Variants in RAPGEF4 observed in about 807,000 individuals in gnomAD.
RAPGEF4 encodes Rap guanine nucleotide exchange factor 4, also known as RAP guanine-nucleotide-exchange factor (GEF) 4.
RAPGEF4 carries 66 observed loss-of-function variants against 147.9 expected under a neutral mutation model. The ratio of observed to expected loss-of-function variants is 0.45; its 90% CI spans 0.37 to 0.55. RAPGEF4 has a LOEUF of 0.55. Among genes scored for constraint, RAPGEF4 ranks in the 20% least tolerant of loss-of-function variants. The pLI, the probability that RAPGEF4 is intolerant of heterozygous loss-of-function variation, is 0.00. For synonymous variants in RAPGEF4, 419 were observed against 442.7 expected (o/e 0.95, Z 0.67); for missense variants, 1,071 against 1,257.3 (o/e 0.85, Z 2.24).
At position 172,767,200 on chromosome 2, in the gene RAPGEF4, C is replaced by T. The variant is rs186760737; in HGVS notation, c.66-27825C>T. Among the ~76,000 whole-genome samples the T allele has an allele frequency of 6.5e-4, 89 of 137,470 alleles. 1 individual carries two copies. Among genetic ancestry groups the T allele is most frequent in the East Asian group, 8.4e-4 (4 of 4,768 alleles). 90.2% of individuals were successfully genotyped at this position (137,470 alleles called of 152,430 possible). ...TCTATTTTTTTTTTTTTTTTTGAGA[C>T]GGAGTTTTGCTCTTGTTGCCCAGGC... On this transcript the variant is annotated intron_variant, in intron 1 of 30. Coordinates refer to ENST00000397081, the MANE Select transcript of RAPGEF4 (RefSeq NM_007023.4).
At chr2:172,934,635 T>C (rs1287379420) in intron 6 of RAPGEF4, among the ~76,000 whole-genome samples, 3 of 151,732 alleles carry the variant, frequency 2.0e-5, no homozygotes, top group Non-Finnish European at 4.4e-5. Flanking sequence ...CTGAGAGAGA[T>C]TGGAGTTAAG....
intron 4 of RAPGEF4, among the ~76,000 whole-genome samples, chr2:172,908,907 C>T (rs1258664573): frequency 6.6e-6 from 1 of 152,148 alleles, no homozygotes; most frequent in Non-Finnish European, 1.5e-5. Flanking sequence ...CCAAGCCGGC[C>T]AAGTGCTTCT....
chr2:172,850,383 C>T (rs1003722949), intron 4 of RAPGEF4, among the ~76,000 whole-genome samples: 4 of 151,908 alleles, frequency 2.6e-5, no homozygotes, highest in African/African-American at 4.8e-5. Context: ...TTCGGGAGGC[C>T]GAGGTGGGTG....
intron 4 of RAPGEF4, among the ~76,000 whole-genome samples, chr2:172,884,640 T>C (rs1318766050): frequency 6.6e-6 from 1 of 152,208 alleles, no homozygotes; most frequent in Non-Finnish European, 1.5e-5. Flanking sequence ...AGAAGAATGA[T>C]AGGGCTGTTA....
chr2:172,872,970 C>A (rs772060212), intron 4 of RAPGEF4, among the ~76,000 whole-genome samples: 7 of 152,102 alleles, frequency 4.6e-5, no homozygotes, highest in Non-Finnish European at 8.8e-5. Flanking sequence ...CTGACCGGAA[C>A]CATTTATTGA....
intron 4 of RAPGEF4, among the ~76,000 whole-genome samples, chr2:172,843,951 CTA>C (rs1349459418): frequency 1.3e-5 from 2 of 152,194 alleles, no homozygotes; most frequent in East Asian, 1.9e-4. Flanking sequence ...TTCTGGTTGG[CTA>C]TCTTATCTCT....
At chr2:172,907,336 T>C (rs1418281001) in intron 4 of RAPGEF4, among the ~76,000 whole-genome samples, 1 of 152,222 alleles carries the variant, frequency 6.6e-6, no homozygotes, top group Non-Finnish European at 1.5e-5. Context: ...CTTTCTGCCT[T>C]CCCTCTTCCC....
chr2:172,910,157 G>A (rs1177552733), intron 4 of RAPGEF4, among the ~76,000 whole-genome samples: 7 of 152,216 alleles, frequency 4.6e-5, no homozygotes, highest in African/African-American at 1.7e-4. Flanking sequence ...TCCCAAAATT[G>A]TACCATTGGC....
At chr2:172,794,888 G>A in intron 1 of RAPGEF4, 137 bp from the exon 2 acceptor site, 1 of 873,602 alleles carries the variant, frequency 1.1e-6, no homozygotes. Context: ...CTATAAGGGG[G>A]TGGATAAATA....
chr2:172,907,207 A>G (rs998940747), intron 4 of RAPGEF4, among the ~76,000 whole-genome samples: 38 of 152,352 alleles, frequency 2.5e-4, no homozygotes, highest in Admixed American at 2.5e-3. Context: ...ATTAGAAAAT[A>G]TTAGTATAGT....
chr2:172,920,165 G>A (rs757200437), intron 5 of RAPGEF4, among the ~76,000 whole-genome samples: 7 of 152,098 alleles, frequency 4.6e-5, no homozygotes, highest in Middle Eastern at 3.2e-3. Context: ...TTTAACTGAT[G>A]TCAATAGTTT....
At chr2:172,989,880 G>A (rs867219529) in intron 14 of RAPGEF4, among the ~76,000 whole-genome samples, 9 of 151,976 alleles carry the variant, frequency 5.9e-5, no homozygotes, top group East Asian at 1.9e-4. Context: ...GTATATTCCC[G>A]TTACTTAATG....
chr2:173,034,873 AACAC>A (rs34646146), intron 27 of RAPGEF4, among the ~76,000 whole-genome samples: 6,657 of 139,984 alleles, frequency 0.048, 160 homozygotes, highest in South Asian at 0.099. Flanking sequence ...ACCCCGTCTC[AACAC>A]ACACACACAC....
At chr2:172,821,304 C>G (rs1338354718) in intron 4 of RAPGEF4, among the ~76,000 whole-genome samples, 1 of 152,156 alleles carries the variant, frequency 6.6e-6, no homozygotes, top group Non-Finnish European at 1.5e-5. Flanking sequence ...CAGCCCCTTG[C>G]CTGCCTGATA....
chr2:172,955,653 C>A (rs1279999522), intron 6 of RAPGEF4, among the ~76,000 whole-genome samples: 1 of 152,140 alleles, frequency 6.6e-6, no homozygotes, highest in East Asian at 1.9e-4. Flanking sequence ...CCTTTCGGGG[C>A]TCATTTGTGA....
chr2:172,886,028 C>A (rs1207622243), intron 4 of RAPGEF4, among the ~76,000 whole-genome samples: 1 of 152,162 alleles, frequency 6.6e-6, no homozygotes, highest in Non-Finnish European at 1.5e-5. Flanking sequence ...GCCTTCACGC[C>A]TGGCTCTTCT....
chr2:172,826,176 C>A (rs1393267797), intron 4 of RAPGEF4, among the ~76,000 whole-genome samples: 1 of 152,186 alleles, frequency 6.6e-6, no homozygotes, highest in Non-Finnish European at 1.5e-5. Flanking sequence ...TGCCCTCCCA[C>A]AAACATGCTT....
At chr2:172,846,851 C>T (rs1191635707) in intron 4 of RAPGEF4, among the ~76,000 whole-genome samples, 2 of 152,158 alleles carry the variant, frequency 1.3e-5, no homozygotes, top group East Asian at 3.9e-4. Context: ...CCTGACTATG[C>T]CCCTCCACAG....
intron 4 of RAPGEF4, among the ~76,000 whole-genome samples, chr2:172,870,203 A>T (rs963188599): frequency 1.3e-5 from 2 of 152,182 alleles, no homozygotes; most frequent in African/African-American, 4.8e-5. Flanking sequence ...AGCCTCTTTT[A>T]TTGTAACCCA....
Sources: gnomAD v4.1 joint callset for allele counts (sites outside exome capture counted in the v4.1 genomes callset) on GRCh38, gnomAD v4.1.1 for gene constraint, MANE v1.5 for transcripts, NCBI Gene and HGNC (gene_info 2026-07-23, HGNC 2026-07-21) for gene names.